RHOBTB1: variants seen among roughly 807,000 people sequenced by gnomAD.
RHOBTB1 encodes rho-related BTB domain-containing protein 1.
In RHOBTB1, 40 loss-of-function variants were observed where a neutral mutation model predicts 71.6. The ratio of observed to expected loss-of-function variants is 0.56; its 90% CI spans 0.43 to 0.73. The LOEUF (loss-of-function observed/expected upper bound fraction) is 0.73, where lower values mean the gene tolerates loss of function less well. Among genes scored for constraint, RHOBTB1 ranks in the 30% least tolerant of loss-of-function variants. RHOBTB1 has a pLI of 0.00. For synonymous variants in RHOBTB1, 319 were observed against 334.9 expected (o/e 0.95, Z 0.52); for missense variants, 797 against 894.0 (o/e 0.89, Z 1.38).
chr10:60,922,162 C>G (rs75072181), intron 2 of RHOBTB1, among the ~76,000 whole-genome samples: 2,605 of 152,252 alleles, frequency 0.017, 46 homozygotes, highest in Middle Eastern at 0.027. Flanking sequence ...AAGGGATTCT[C>G]AGCGCTTTTT....
intron 4 of RHOBTB1, among the ~76,000 whole-genome samples, chr10:60,900,164 G>A (rs1215441211): frequency 6.6e-6 from 1 of 152,182 alleles, no homozygotes; most frequent in Non-Finnish European, 1.5e-5. Flanking sequence ...TCAGTCCATT[G>A]CTTTAATGAG....
chr10:60,980,316 G>A (rs2086454343), intron 2 of RHOBTB1, among the ~76,000 whole-genome samples: 1 of 152,050 alleles, frequency 6.6e-6, no homozygotes, highest in Non-Finnish European at 1.5e-5. Flanking sequence ...ATCAATAAAT[G>A]TCCGCTGGAC....
At chr10:60,865,444 G>A (rs760065638), downstream of RHOBTB1, among the ~76,000 whole-genome samples, 5 of 152,176 alleles carry the variant, frequency 3.3e-5, no homozygotes, top group Non-Finnish European at 5.9e-5. Context: ...TCAAGCTAGG[G>A]AAGTTTTTTA....
intron 2 of RHOBTB1, among the ~76,000 whole-genome samples, chr10:60,917,373 T>G (rs989268592): frequency 6.6e-6 from 1 of 152,210 alleles, no homozygotes; most frequent in Non-Finnish European, 1.5e-5. Context: ...AAAAAGCTTT[T>G]CTAACTACCC....
intron 6 of RHOBTB1, 43 bp from the exon 7 acceptor site, chr10:60,886,273 T>C: frequency 6.7e-7 from 1 of 1,493,140 alleles, no homozygotes; most frequent in Non-Finnish European, 9.3e-7. Flanking sequence ...CCAACTTTGC[T>C]GAGAGCTTCA....
intron 4 of RHOBTB1, among the ~76,000 whole-genome samples, chr10:60,908,774 C>T (rs181080625): frequency 6.6e-6 from 1 of 152,238 alleles, no homozygotes; most frequent in Admixed American, 6.5e-5. Context: ...TATTCTTTAA[C>T]TAGAGGTGGG....
chr10:60,864,788 G>T (rs900928387), downstream of RHOBTB1, among the ~76,000 whole-genome samples: 19 of 152,092 alleles, frequency 1.2e-4, no homozygotes, highest in African/African-American at 4.1e-4. Flanking sequence ...CGCCTCCCCA[G>T]TTCAAGTGAT....
At chr10:60,947,887 C>G (rs1323825033), upstream of RHOBTB1, among the ~76,000 whole-genome samples, 1 of 152,166 alleles carries the variant, frequency 6.6e-6, no homozygotes, top group African/African-American at 2.4e-5. Flanking sequence ...AAATAAAAAA[C>G]TGCTAAACCA....
intron 1 of RHOBTB1, among the ~76,000 whole-genome samples, chr10:60,942,814 T>G (rs1042442767): frequency 1.3e-5 from 2 of 151,986 alleles, no homozygotes; most frequent in Non-Finnish European, 2.9e-5. Flanking sequence ...TACTATCTGC[T>G]GCTCGTCAGA....
At chr10:60,909,527 C>T (rs1339828276) in intron 4 of RHOBTB1, among the ~76,000 whole-genome samples, 1 of 152,070 alleles carries the variant, frequency 6.6e-6, no homozygotes, top group African/African-American at 2.4e-5. Context: ...CTTACACTGC[C>T]TAAAGTCATC....
rs115220234 is a variant in RHOBTB1, at chr10:60,996,434, C to T, written c.-163+4965G>A. On this transcript the variant is annotated intron_variant, in intron 1 of 11. Transcript: ENST00000357917. Reference sequence around the variant, plus strand: ...CTCTTTAAGGCCTAGTTCAACTATACTTTTCACAGTCACCTTCCAGACCTT... The same window carrying T: ...CTCTTTAAGGCCTAGTTCAACTATATTTTTCACAGTCACCTTCCAGACCTT... 3.5e-3 allele frequency among the ~76,000 whole-genome samples: 533 copies of T among 152,294 alleles called. 2 individuals are homozygous for T. The highest frequency in any genetic ancestry group is 0.012 in the African/African-American group (507 of 41,574).
At chr10:60,934,262 G>A (rs184016643) in intron 2 of RHOBTB1, among the ~76,000 whole-genome samples, 325 of 152,240 alleles carry the variant, frequency 2.1e-3, no homozygotes, top group African/African-American at 7.0e-3. Flanking sequence ...CAGGCTTGCT[G>A]CTCCTGAAAC....
chr10:60,911,298 G>T, intron 3 of RHOBTB1, 53 bp downstream of exon 3: 2 of 1,504,048 alleles, frequency 1.3e-6, no homozygotes, highest in Non-Finnish European at 9.0e-7. Context: ...AATCAGACTG[G>T]CAACCAGCAA....
chr10:60,913,496 C>G (rs2083099564), intron 2 of RHOBTB1, among the ~76,000 whole-genome samples: 1 of 152,172 alleles, frequency 6.6e-6, no homozygotes, highest in Non-Finnish European at 1.5e-5. Context: ...TTTTAAACTT[C>G]TATGGTTTTC....
chr10:60,939,711 A>G (rs1048586005), intron 2 of RHOBTB1, among the ~76,000 whole-genome samples: 66 of 152,236 alleles, frequency 4.3e-4, no homozygotes, highest in African/African-American at 1.5e-3. Flanking sequence ...TGAATGGCCT[A>G]TTTTCTAAAA....
chr10:60,907,975 T>C (rs1220368080), intron 4 of RHOBTB1, among the ~76,000 whole-genome samples: 1 of 152,228 alleles, frequency 6.6e-6, no homozygotes, highest in Non-Finnish European at 1.5e-5. Flanking sequence ...GATTAACTAA[T>C]GTTGGCAAAG....
At chr10:61,001,810 C>G (rs570640010), upstream of RHOBTB1, among the ~76,000 whole-genome samples, 2 of 152,330 alleles carry the variant, frequency 1.3e-5, no homozygotes, top group South Asian at 4.1e-4. Context: ...GCGGCCTCGC[C>G]ATTCTCCGCT....
chr10:60,953,353 C>G (rs1007712188), intron 2 of RHOBTB1, among the ~76,000 whole-genome samples: 13 of 152,160 alleles, frequency 8.5e-5, no homozygotes, highest in African/African-American at 3.1e-4. Flanking sequence ...AGTCCCATAT[C>G]CTTGCTGAAG....
intron 2 of RHOBTB1, among the ~76,000 whole-genome samples, chr10:60,940,984 T>C (rs950945747): frequency 6.6e-6 from 1 of 152,192 alleles, no homozygotes; most frequent in Admixed American, 6.5e-5. Flanking sequence ...ATAAAAACTT[T>C]CTTATATCTT....
Sources: allele counts gnomAD v4.1 joint callset (sites outside exome capture counted in the v4.1 genomes callset), GRCh38; gene constraint gnomAD v4.1.1; transcripts MANE v1.5; gene names NCBI Gene and HGNC (gene_info 2026-07-23, HGNC 2026-07-21).